The following DNMBP variants were observed in gnomAD, a reference collection of about 807,000 sequenced individuals.
The protein encoded by DNMBP is dynamin-binding protein.
A neutral mutation model predicts 150.0 loss-of-function variants in DNMBP; 87 were observed. The ratio of observed to expected loss-of-function variants is 0.58; its 90% CI spans 0.49 to 0.69. DNMBP has a LOEUF of 0.69. Ranked by LOEUF, DNMBP falls within the 30% of genes least tolerant of loss-of-function variation. The pLI, the probability that DNMBP is intolerant of heterozygous loss-of-function variation, is 0.00. For missense variants in DNMBP, 1,774 were observed against 1,949.0 expected (o/e 0.91, Z 1.69); for synonymous variants, 711 against 750.4 (o/e 0.95, Z 0.86).
chr10:99,906,056 G>C (rs56291317), intron 6 of DNMBP, among the ~76,000 whole-genome samples: 5,063 of 152,274 alleles, frequency 0.033, 128 homozygotes, highest in Middle Eastern at 0.16. Flanking sequence ...ATCTTGTGAG[G>C]GTATGTGGTG....
intron 1 of DNMBP, among the ~76,000 whole-genome samples, chr10:99,980,290 C>CA (rs1231818671): frequency 2.0e-5 from 3 of 151,620 alleles, no homozygotes; most frequent in African/African-American, 4.8e-5. Context: ...ACTAAAAATA[C>CA]AAAAAAATTA....
chr10:99,938,805 T>C lies in DNMBP; in HGVS notation c.2260+16409A>G, dbSNP rs1482425036. Among the ~76,000 whole-genome samples the C allele has an allele frequency of 2.0e-5, 3 of 152,140 alleles. No individual in the cohort carries two copies. The East Asian group carries it at 5.8e-4, about 29-fold the overall frequency. On this transcript the variant is annotated intron_variant, in intron 4 of 16. Coordinates refer to ENST00000324109, the MANE Select transcript of DNMBP (RefSeq NM_015221.4). ...GGCCGAGGAAAGAGGGAGGATGACT[T>C]TTCTACTTTTCTCAATGGTAGGACT...
intron 1 of DNMBP, among the ~76,000 whole-genome samples, chr10:99,985,237 A>G (rs558423969): frequency 4.6e-5 from 7 of 152,308 alleles, no homozygotes; most frequent in Non-Finnish European, 7.4e-5. Context: ...TTTGAGCACC[A>G]TGGAAAACCA....
In DNMBP at chr10:99,907,922, C is replaced by T. The variant is rs2039846585; in HGVS notation, c.2554+73G>A. 1.2e-5 allele frequency: 13 copies of T among 1,094,326 alleles called. No homozygotes were observed. In the South Asian group the frequency reaches 1.7e-4, roughly 14 times the overall value. 67.8% of individuals were successfully genotyped at this position (1,094,326 alleles called of 1,614,324 possible). A position where few individuals can be genotyped will look rare whatever the true frequency, so the allele number is the denominator to read the frequency against. ...TCCCGGAGGCATAGTTACTCAGTAT[C>T]AGGAAGGCCACTTACTCCTGCCCAT... On this transcript the variant is annotated intron_variant, in intron 6 of 16. Coordinates refer to ENST00000324109, the MANE Select transcript of DNMBP (RefSeq NM_015221.4).
intron 6 of DNMBP, among the ~76,000 whole-genome samples, chr10:99,907,336 AAAC>A: frequency 6.6e-6 from 1 of 151,994 alleles, no homozygotes. Flanking sequence ...GTCAAAAAAA[AAAC>A]AACAGATAAG....
intron 11 of DNMBP, chr10:99,889,494 C>G (rs1233681675): frequency 6.6e-6 from 1 of 152,368 alleles, no homozygotes. Context: ...TGCTTATTGT[C>G]ATGATCTCCC....
intron 6 of DNMBP, among the ~76,000 whole-genome samples, chr10:99,902,971 A>G (rs2133234894): frequency 6.6e-6 from 1 of 151,596 alleles, no homozygotes; most frequent in East Asian, 1.9e-4. Context: ...GTCTCACTCC[A>G]CATCCTAGAC....
At chr10:99,944,188 G>A (rs762373445) in intron 4 of DNMBP, among the ~76,000 whole-genome samples, 142 of 152,206 alleles carry the variant, frequency 9.3e-4, no homozygotes, top group Non-Finnish European at 1.3e-3. Context: ...ATTAGCTGTA[G>A]AGGTCAATAT....
rs76972312 is a variant in DNMBP, at chr10:99,900,265, C to T, written c.2555-199G>A. Among the ~76,000 whole-genome samples, 152 of 152,260 alleles carry T rather than the reference C, an allele frequency of 1.0e-3. 1 individual carries two copies. The highest frequency in any genetic ancestry group is 3.6e-3 in the African/African-American group (148 of 41,540). On this transcript the variant is annotated intron_variant, in intron 6 of 16. Transcript: ENST00000324109. ...ATCATTTAAAGGAAAATTTAGAAAGCCATGTCATCCGTATATGTATGTATT... is the reference window on the plus strand; with the variant it reads ...ATCATTTAAAGGAAAATTTAGAAAGTCATGTCATCCGTATATGTATGTATT...
At chr10:99,919,931 G>C (rs1242038453) in intron 4 of DNMBP, among the ~76,000 whole-genome samples, 2 of 152,322 alleles carry the variant, frequency 1.3e-5, no homozygotes, top group South Asian at 2.1e-4. Context: ...TTCCATTTGA[G>C]TGAATGAATC....
rs567313713 is a variant in DNMBP at position 99,949,709 on chromosome 10, G to C, written c.2260+5505C>G. On this transcript the variant is annotated intron_variant, in intron 4 of 16. Coordinates refer to ENST00000324109, the MANE Select transcript of DNMBP (RefSeq NM_015221.4). ...CCGAAATAGACTACACCCACATTAAGTCTTTCACAGCACTAAACAGCAATT... is the reference window on the plus strand; with the variant it reads ...CCGAAATAGACTACACCCACATTAACTCTTTCACAGCACTAAACAGCAATT... Among the ~76,000 whole-genome samples, 63 of 152,252 alleles carry C rather than the reference G, an allele frequency of 4.1e-4. No homozygotes were observed. The South Asian group carries it at 0.013, about 31-fold the overall frequency.
chr10:99,904,689 G>A (rs2039798602), intron 6 of DNMBP, among the ~76,000 whole-genome samples: 1 of 152,062 alleles, frequency 6.6e-6, no homozygotes, highest in Admixed American at 6.5e-5. Flanking sequence ...CAGTGTTGAG[G>A]CCTCTCTGCC....
intron 1 of DNMBP, among the ~76,000 whole-genome samples, chr10:99,982,047 C>T (rs76899188): frequency 0.017 from 2,525 of 152,262 alleles, 37 homozygotes; most frequent in African/African-American, 0.037. Context: ...TTAAGTTGGA[C>T]CTCTTCCAAT....
intron 1 of DNMBP, among the ~76,000 whole-genome samples, chr10:99,975,951 A>G (rs950342409): frequency 6.6e-6 from 1 of 152,190 alleles, no homozygotes; most frequent in African/African-American, 2.4e-5. Context: ...CAAGGACCCT[A>G]TCATATGTTA....
intron 1 of DNMBP, among the ~76,000 whole-genome samples, chr10:100,008,776 T>C (rs2041101990): frequency 6.6e-6 from 1 of 152,180 alleles, no homozygotes; most frequent in African/African-American, 2.4e-5. Flanking sequence ...GTGTCGGTAT[T>C]CATGCTGTGA....
At chr10:99,948,690 T>G (rs190268655) in intron 4 of DNMBP, among the ~76,000 whole-genome samples, 47 of 152,228 alleles carry the variant, frequency 3.1e-4, no homozygotes, top group African/African-American at 1.1e-3. Context: ...AAGCTGGGCA[T>G]GATGGCTCAC....
chr10:99,917,799 A>T (rs185587187), intron 4 of DNMBP, among the ~76,000 whole-genome samples: 13 of 151,526 alleles, frequency 8.6e-5, no homozygotes, highest in African/African-American at 2.9e-4. Flanking sequence ...CCCCGTCTCT[A>T]AAAAAAATAC....
intron 6 of DNMBP, among the ~76,000 whole-genome samples, chr10:99,902,789 A>G (rs1384239615): frequency 2.0e-5 from 3 of 151,570 alleles, no homozygotes; most frequent in African/African-American, 7.3e-5. Flanking sequence ...TTAGCCAGGC[A>G]TGGTGGCAGG....
intron 11 of DNMBP, among the ~76,000 whole-genome samples, 190 bp downstream of exon 11, chr10:99,894,756 T>C (rs2039626132): frequency 6.6e-6 from 1 of 152,200 alleles, no homozygotes; most frequent in Admixed American, 6.5e-5. Flanking sequence ...TTGAAATGAA[T>C]GTGACAACAT....
Sources: allele counts gnomAD v4.1 joint callset (sites outside exome capture counted in the v4.1 genomes callset), GRCh38; gene constraint gnomAD v4.1.1; transcripts MANE v1.5; gene names NCBI Gene and HGNC (gene_info 2026-07-23, HGNC 2026-07-21).